The following PRKAR2B variants were observed in gnomAD, a reference collection of about 807,000 sequenced individuals.
PRKAR2B encodes the protein protein kinase cAMP-dependent type II regulatory subunit beta.
In PRKAR2B, 14 loss-of-function variants were observed where a neutral mutation model predicts 49.9. The ratio of observed to expected loss-of-function variants is 0.28; its 90% CI spans 0.19 to 0.44. The LOEUF (loss-of-function observed/expected upper bound fraction) is 0.44. Among genes scored for constraint, PRKAR2B ranks in the 20% least tolerant of loss-of-function variants. The pLI is 1.00. For synonymous variants in PRKAR2B, 196 were observed against 197.7 expected (o/e 0.99, Z 0.07); for missense variants, 393 against 537.9 (o/e 0.73, Z 2.67).
chr7:107,076,219 A>G (rs1794392976), intron 2 of PRKAR2B, among the ~76,000 whole-genome samples: 1 of 152,148 alleles, frequency 6.6e-6, no homozygotes, highest in South Asian at 2.1e-4. Flanking sequence ...CTCCTAAGAA[A>G]AAGGGCATTC....
At chr7:107,092,649 C>A (rs1020688063) in intron 2 of PRKAR2B, among the ~76,000 whole-genome samples, 1 of 152,060 alleles carries the variant, frequency 6.6e-6, no homozygotes, top group South Asian at 2.1e-4. Flanking sequence ...TTTATGTTTA[C>A]TCTTTTCTGT....
At chr7:107,108,551 A>C (rs2116821581) in intron 2 of PRKAR2B, among the ~76,000 whole-genome samples, 1 of 152,296 alleles carries the variant, frequency 6.6e-6, no homozygotes, top group South Asian at 2.1e-4. Context: ...ATCAATGTCA[A>C]GGGGGAACAG....
In PRKAR2B at chr7:107,067,633, G is replaced by A. The variant is rs551755533; in HGVS notation, c.308-2648G>A. 1.3e-3 allele frequency among the ~76,000 whole-genome samples: 191 copies of A among 152,332 alleles called. 1 individual carries two copies. The highest frequency in any genetic ancestry group is 4.4e-3 in the African/African-American group (182 of 41,572). ...GTTTCAGCATGTACTCAAGAAGACAGTGTAGTTAGATTGTCCCACCTAGAT... is the reference window on the plus strand; with the variant it reads ...GTTTCAGCATGTACTCAAGAAGACAATGTAGTTAGATTGTCCCACCTAGAT... On this transcript the variant is annotated intron_variant, in intron 1 of 10. Transcript: ENST00000265717.
chr7:107,132,299 C>T (rs1295474939), intron 4 of PRKAR2B, among the ~76,000 whole-genome samples: 1 of 152,080 alleles, frequency 6.6e-6, no homozygotes, highest in Non-Finnish European at 1.5e-5. Flanking sequence ...TCAGGAAGGC[C>T]CATTCTTTCT....
intron 1 of PRKAR2B, among the ~76,000 whole-genome samples, chr7:107,062,594 C>G (rs889950958): frequency 1.3e-5 from 2 of 152,130 alleles, no homozygotes; most frequent in East Asian, 3.9e-4. Context: ...GGAAACTTTC[C>G]AAGGTGTTGA....
At chr7:107,115,582 T>G (rs1028104756) in intron 2 of PRKAR2B, among the ~76,000 whole-genome samples, 1 of 152,196 alleles carries the variant, frequency 6.6e-6, no homozygotes, top group African/African-American at 2.4e-5. Context: ...ACTTTTAAAT[T>G]ATGAACTTCC....
At chr7:107,094,206 A>C (rs1018603557) in intron 2 of PRKAR2B, among the ~76,000 whole-genome samples, 4 of 152,160 alleles carry the variant, frequency 2.6e-5, no homozygotes, top group African/African-American at 9.7e-5. Flanking sequence ...TCGCCATTCT[A>C]ACTGGTGTGA....
chr7:107,120,871 T>G (rs1434267548), intron 2 of PRKAR2B, among the ~76,000 whole-genome samples: 2 of 151,760 alleles, frequency 1.3e-5, no homozygotes, highest in East Asian at 3.9e-4. Context: ...AAAACTAATT[T>G]AAGTCAAAAA....
chr7:107,148,379 T>A (rs1243640141), intron 6 of PRKAR2B, among the ~76,000 whole-genome samples: 2 of 152,198 alleles, frequency 1.3e-5, no homozygotes, highest in African/African-American at 2.4e-5. Flanking sequence ...ACTGATAGTT[T>A]TTAGCCCTTG....
chr7:107,109,527 T>A (rs901172039), intron 2 of PRKAR2B, among the ~76,000 whole-genome samples: 3 of 152,014 alleles, frequency 2.0e-5, no homozygotes, highest in African/African-American at 7.2e-5. Context: ...CCTCCTAAAT[T>A]GTGGAACTAC....
intron 2 of PRKAR2B, among the ~76,000 whole-genome samples, chr7:107,093,656 C>T (rs192274468): frequency 1.0e-4 from 15 of 149,286 alleles, no homozygotes; most frequent in African/African-American, 3.2e-4. Flanking sequence ...TGCTATCTCT[C>T]GCCCCTCCCC....
intron 2 of PRKAR2B, 126 bp from the exon 3 acceptor site, chr7:107,121,826 G>T: frequency 2.2e-6 from 1 of 454,382 alleles, no homozygotes. Context: ...GCTTCTCCTG[G>T]TTGAGGTGAA....
At chr7:107,054,546 A>C (rs780884110) in intron 1 of PRKAR2B, among the ~76,000 whole-genome samples, 1 of 152,060 alleles carries the variant, frequency 6.6e-6, no homozygotes, top group Non-Finnish European at 1.5e-5. Context: ...TATTTTTGCA[A>C]GTTTCCCTCC....
intron 2 of PRKAR2B, among the ~76,000 whole-genome samples, chr7:107,121,128 G>A (rs1163846962): frequency 1.3e-5 from 2 of 151,528 alleles, no homozygotes; most frequent in African/African-American, 2.4e-5. Context: ...CATATTTTTT[G>A]TCGGACAATC....
rs1466348342 is a variant in PRKAR2B, at chr7:107,087,828, C to T, written c.343+17512C>T. 5.3e-5 allele frequency among the ~76,000 whole-genome samples: 8 copies of T among 152,128 alleles called. No individual in the cohort carries two copies. In the East Asian group the frequency reaches 1.5e-3, roughly 29 times the overall value. ...TACTTATCTCTCTTGAATTAGTCTT[C>T]CTCTTCTTTTCTCACTCACCTAGTA... On this transcript the variant is annotated intron_variant, in intron 2 of 10. Transcript: ENST00000265717.
intron 1 of PRKAR2B, among the ~76,000 whole-genome samples, chr7:107,061,001 C>T (rs1486284796): frequency 6.6e-6 from 1 of 151,854 alleles, no homozygotes; most frequent in Admixed American, 6.6e-5. Context: ...ATTTTTTCCC[C>T]CACTGATTTT....
At chr7:107,101,427 T>C (rs558406325) in intron 2 of PRKAR2B, among the ~76,000 whole-genome samples, 31 of 152,314 alleles carry the variant, frequency 2.0e-4, no homozygotes, top group Non-Finnish European at 4.0e-4. Context: ...CTAAGTGCGC[T>C]GTAGCCACCT....
chr7:107,083,903 G>A (rs1232337050), intron 2 of PRKAR2B, among the ~76,000 whole-genome samples: 7 of 152,240 alleles, frequency 4.6e-5, no homozygotes, highest in Admixed American at 1.3e-4. Flanking sequence ...GAGCCACCAC[G>A]TCTGGCCAAA....
At chr7:107,076,590 A>G (rs1794403021) in intron 2 of PRKAR2B, among the ~76,000 whole-genome samples, 1 of 152,094 alleles carries the variant, frequency 6.6e-6, no homozygotes, top group African/African-American at 2.4e-5. Context: ...GACATTTACT[A>G]TTGCTTTCAA....
Sources: gnomAD v4.1 joint callset for allele counts (sites outside exome capture counted in the v4.1 genomes callset) on GRCh38, gnomAD v4.1.1 for gene constraint, MANE v1.5 for transcripts, NCBI Gene and HGNC (gene_info 2026-07-23, HGNC 2026-07-21) for gene names.